Variants in ELP3 observed in about 807,000 individuals in gnomAD.
ELP3 encodes the protein elongator complex protein 3.
Under a neutral mutation model 74.9 loss-of-function variants are expected in ELP3, and 56 were observed. That is an observed-to-expected ratio of 0.75 (90% CI 0.60 to 0.93). The LOEUF (loss-of-function observed/expected upper bound fraction) is 0.93. ELP3 is among the 40% of genes least tolerant of loss of function. ELP3 has a pLI of 0.00. For synonymous variants in ELP3, 222 were observed against 239.8 expected (o/e 0.93, Z 0.68); for missense variants, 573 against 686.5 (o/e 0.83, Z 1.85).
At chr8:28,138,022 C>T (rs781099495) in intron 10 of ELP3, 131 bp downstream of exon 10, 5 of 837,208 alleles carry the variant, frequency 6.0e-6, no homozygotes, top group Non-Finnish European at 8.8e-6. Context: ...GGAATGCTAT[C>T]TGTAAATAGG....
chr8:28,106,858 G>C, intron 4 of ELP3, 75 bp downstream of exon 4: 1 of 1,052,722 alleles, frequency 9.5e-7, no homozygotes, highest in Non-Finnish European at 1.4e-6. Flanking sequence ...CCCTTAGTCA[G>C]TACATCCTGG....
chr8:28,141,861 C>T (rs1381595478), intron 10 of ELP3, among the ~76,000 whole-genome samples: 2 of 152,166 alleles, frequency 1.3e-5, no homozygotes, highest in Non-Finnish European at 2.9e-5. Context: ...TTCTCAGCCG[C>T]AGAGCATGGC....
rs556104149 is a variant in ELP3 at position 28,140,013 on chromosome 8, A to G, written c.1100+2122A>G. 1.2e-4 allele frequency among the ~76,000 whole-genome samples: 19 copies of G among 152,308 alleles called. No homozygotes were observed. The South Asian group carries it at 3.9e-3, about 32-fold the overall frequency. On this transcript the variant is annotated intron_variant, in intron 10 of 14. Transcript: ENST00000256398. ...TGTGCATAGGTTATATGCAAATACT[A>G]CACCATTTTATATGAGGGACTTGAG...
At chr8:28,125,951 A>G (rs1812559875) in intron 7 of ELP3, among the ~76,000 whole-genome samples, 1 of 152,098 alleles carries the variant, frequency 6.6e-6, no homozygotes, top group Non-Finnish European at 1.5e-5. Flanking sequence ...TGTTGGAGTG[A>G]AGAGAGACCT....
intron 14 of ELP3, among the ~76,000 whole-genome samples, chr8:28,162,589 C>A (rs1032441896): frequency 6.6e-6 from 1 of 152,164 alleles, no homozygotes; most frequent in African/African-American, 2.4e-5. Flanking sequence ...TTTTCCCCAG[C>A]CCTCTTAGGG....
intron 14 of ELP3, among the ~76,000 whole-genome samples, chr8:28,166,863 T>C (rs1334715193): frequency 6.6e-6 from 1 of 152,234 alleles, no homozygotes; most frequent in East Asian, 1.9e-4. Flanking sequence ...CGTGTGACTG[T>C]TTCAGTTTGC....
intron 10 of ELP3, among the ~76,000 whole-genome samples, chr8:28,144,435 C>A (rs113659447): frequency 0.028 from 4,259 of 152,156 alleles, 202 homozygotes; most frequent in African/African-American, 0.094. Flanking sequence ...CACGGTGAAA[C>A]CTCATCTCTA....
At chr8:28,176,940 A>C (rs902657551) in intron 14 of ELP3, among the ~76,000 whole-genome samples, 2 of 152,130 alleles carry the variant, frequency 1.3e-5, no homozygotes, top group Non-Finnish European at 2.9e-5. Flanking sequence ...GAAAGAAAAA[A>C]ACTCTCTAAG....
chr8:28,112,488 G>T (rs1426470063), intron 6 of ELP3: 1 of 152,026 alleles, frequency 6.6e-6, no homozygotes, highest in Admixed American at 6.6e-5. Context: ...GACTTGAAGT[G>T]CCTCCTGTGC....
At chr8:28,146,600 A>G (rs751066908) in intron 10 of ELP3, among the ~76,000 whole-genome samples, 1 of 152,238 alleles carries the variant, frequency 6.6e-6, no homozygotes, top group Non-Finnish European at 1.5e-5. Context: ...CAGCAAGCTC[A>G]GATAGTCAGT....
At chr8:28,160,595 GT>G in intron 13 of ELP3, 139 bp downstream of exon 13, 1 of 718,954 alleles carries the variant, frequency 1.4e-6, no homozygotes, top group Non-Finnish European at 2.3e-6. Context: ...AGGAGCCAGT[GT>G]TTTAGTTGTT....
chr8:28,114,707 C>T (rs1297573775), intron 7 of ELP3, among the ~76,000 whole-genome samples: 1 of 152,186 alleles, frequency 6.6e-6, no homozygotes, highest in African/African-American at 2.4e-5. Flanking sequence ...ACACCCAAAC[C>T]ATGTCAGATC....
intron 14 of ELP3, among the ~76,000 whole-genome samples, chr8:28,166,641 G>A (rs1814317539): frequency 6.6e-6 from 1 of 152,148 alleles, no homozygotes; most frequent in Non-Finnish European, 1.5e-5. Flanking sequence ...AATGTAAAGT[G>A]CAAGGAATTA....
intron 3 of ELP3, among the ~76,000 whole-genome samples, chr8:28,105,258 C>A (rs1200688079): frequency 6.6e-6 from 1 of 151,918 alleles, no homozygotes; most frequent in African/African-American, 2.4e-5. Context: ...GGCATGGTGG[C>A]ACATGCCTGT....
chr8:28,120,532 CAA>C (rs1812326485), intron 7 of ELP3, among the ~76,000 whole-genome samples: 1 of 152,138 alleles, frequency 6.6e-6, no homozygotes, highest in Non-Finnish European at 1.5e-5. Flanking sequence ...ATCGTTTAGC[CAA>C]AGTTTTTAAT....
intron 14 of ELP3, among the ~76,000 whole-genome samples, chr8:28,175,810 C>CTTTTTTTT (rs56901616): frequency 1.4e-4 from 11 of 78,224 alleles, no homozygotes; most frequent in African/African-American, 5.1e-4. Context: ...TGTCTAGTGA[C>CTTTTTTTT]TTTTTTTTTT....
chr8:28,177,513 G>A (rs1814808386), intron 14 of ELP3, among the ~76,000 whole-genome samples: 1 of 152,222 alleles, frequency 6.6e-6, no homozygotes, highest in Admixed American at 6.5e-5. Flanking sequence ...AATTAAAACA[G>A]TTTAATTTGT....
chr8:28,182,734 A>G (rs935848729), intron 14 of ELP3, among the ~76,000 whole-genome samples: 5 of 152,170 alleles, frequency 3.3e-5, no homozygotes, highest in Non-Finnish European at 5.9e-5. Flanking sequence ...CGGCATATGC[A>G]TTGCCTGTGA....
chr8:28,099,473 A>G (rs1293634943), intron 2 of ELP3, among the ~76,000 whole-genome samples: 6 of 152,190 alleles, frequency 3.9e-5, no homozygotes, highest in African/African-American at 1.4e-4. Flanking sequence ...ACAGCAAAGA[A>G]CTGTGTGGTC....
Sources: allele counts gnomAD v4.1 joint callset (sites outside exome capture counted in the v4.1 genomes callset), GRCh38; gene constraint gnomAD v4.1.1; transcripts MANE v1.5; gene names NCBI Gene and HGNC (gene_info 2026-07-23, HGNC 2026-07-21).